DCDC1: variants seen among roughly 807,000 people sequenced by gnomAD.
DCDC1 encodes the protein doublecortin domain containing 1.
A neutral mutation model predicts 178.3 loss-of-function variants in DCDC1; 200 were observed. The observed-to-expected ratio is 1.12, with a 90% CI of 1.00 to 1.26. The LOEUF (loss-of-function observed/expected upper bound fraction) is 1.26, where lower values mean the gene tolerates loss of function less well. DCDC1 is among the 50% of genes most tolerant of loss of function. DCDC1 has a pLI of 0.00. For synonymous variants in DCDC1, 690 were observed against 604.8 expected (o/e 1.14, Z -2.07); for missense variants, 1,983 against 1,749.2 (o/e 1.13, Z -2.38).
chr11:31,037,464 G>A (rs533379646), intron 20 of DCDC1, among the ~76,000 whole-genome samples: 81 of 134,732 alleles, frequency 6.0e-4, no homozygotes, highest in African/African-American at 2.3e-3. Flanking sequence ...AAGGAGTCTC[G>A]CTCTGTCACC....
intron 20 of DCDC1, among the ~76,000 whole-genome samples, chr11:31,062,918 G>C (rs1434883177): frequency 6.7e-6 from 1 of 149,240 alleles, no homozygotes; most frequent in Non-Finnish European, 1.5e-5. Context: ...TTAGCATTAG[G>C]TATATCTCCT....
At chr11:31,170,921 C>A (rs917004709) in intron 9 of DCDC1, among the ~76,000 whole-genome samples, 1 of 151,996 alleles carries the variant, frequency 6.6e-6, no homozygotes, top group Non-Finnish European at 1.5e-5. Context: ...CCTTGCCTCC[C>A]GGGTTCAAAT....
chr11:31,098,034 A>C (rs1958262167), intron 15 of DCDC1, among the ~76,000 whole-genome samples: 2 of 152,202 alleles, frequency 1.3e-5, no homozygotes, highest in Admixed American at 6.5e-5. Flanking sequence ...CATCATACAG[A>C]AAGTTGTCAC....
chr11:31,341,426 G>GATACATAGATAGATAGATAC (rs5790857), intron 1 of DCDC1, among the ~76,000 whole-genome samples: 6 of 151,222 alleles, frequency 4.0e-5, no homozygotes, highest in Middle Eastern at 3.2e-3. Flanking sequence ...TAGATAGATA[G>GATACATAGATAGATAGATAC]ATAGATAGAT....
At chr11:30,933,086 A>C (rs892232817) in intron 21 of DCDC1, among the ~76,000 whole-genome samples, 10 of 152,040 alleles carry the variant, frequency 6.6e-5, no homozygotes, top group African/African-American at 2.4e-4. Context: ...ACTGCATGTA[A>C]GTGTAGATCT....
At chr11:30,987,830 C>T (rs990420912) in intron 20 of DCDC1, among the ~76,000 whole-genome samples, 29 of 152,092 alleles carry the variant, frequency 1.9e-4, no homozygotes, top group African/African-American at 7.0e-4. Flanking sequence ...CAGCTATCAG[C>T]TATCATTAGT....
At chr11:30,922,771 T>TG in intron 23 of DCDC1, 133 bp from the exon 24 acceptor site, 10 of 854,532 alleles carry the variant, frequency 1.2e-5, no homozygotes, top group Non-Finnish European at 1.6e-5. Context: ...AAGAAAACTG[T>TG]GTACCACTCA....
intron 21 of DCDC1, among the ~76,000 whole-genome samples, chr11:30,933,988 T>C (rs535152218): frequency 6.6e-6 from 1 of 152,290 alleles, no homozygotes; most frequent in Non-Finnish European, 1.5e-5. Flanking sequence ...AACACATACG[T>C]CTCCTTTTTC....
rs146606951 is a variant in DCDC1, at chr11:31,149,570, C to T, written c.1222-11786G>A. Among the ~76,000 whole-genome samples the T allele has an allele frequency of 7.1e-3, 1,080 of 152,196 alleles. 10 individuals are homozygous for T. The highest frequency in any genetic ancestry group is 9.9e-3 in the Non-Finnish European group (671 of 68,024). On this transcript the variant is annotated intron_variant, in intron 9 of 38. Coordinates refer to ENST00000684477, the MANE Select transcript of DCDC1 (RefSeq NM_001387274.1). Reference sequence around the variant, plus strand: ...ACGCTGTGGAAGCTTTGTTCTTTTGCTCTTCACAATTAATGTTGCTGCTGC... The same window carrying T: ...ACGCTGTGGAAGCTTTGTTCTTTTGTTCTTCACAATTAATGTTGCTGCTGC...
At chr11:31,144,163 C>T (rs1964170190) in intron 9 of DCDC1, among the ~76,000 whole-genome samples, 1 of 152,124 alleles carries the variant, frequency 6.6e-6, no homozygotes, top group African/African-American at 2.4e-5. Context: ...CAGGGTCTTT[C>T]TTGCTCTGTT....
At chr11:31,257,685 G>T (rs1944499986) in intron 8 of DCDC1, among the ~76,000 whole-genome samples, 1 of 135,150 alleles carries the variant, frequency 7.4e-6, no homozygotes, top group African/African-American at 2.9e-5. Context: ...ATATTTGACA[G>T]ATAGGAAAAC....
chr11:30,867,312 T>A (rs1003776933), intron 38 of DCDC1, among the ~76,000 whole-genome samples: 1 of 152,222 alleles, frequency 6.6e-6, no homozygotes, highest in Non-Finnish European at 1.5e-5. Flanking sequence ...GTTCTGCCAC[T>A]TATTGGCTGG....
At chr11:31,157,737 T>C (rs1202240998) in intron 9 of DCDC1, among the ~76,000 whole-genome samples, 1 of 152,064 alleles carries the variant, frequency 6.6e-6, no homozygotes. Flanking sequence ...TTTGGAAAGA[T>C]GAAAAATGTC....
At chr11:31,175,926 TA>T (rs1188430263) in intron 9 of DCDC1, among the ~76,000 whole-genome samples, 2 of 152,046 alleles carry the variant, frequency 1.3e-5, no homozygotes, top group Non-Finnish European at 2.9e-5. Context: ...AGGTACATCA[TA>T]AAATTTGAAA....
At chr11:30,878,144 C>T (rs925961654) in intron 38 of DCDC1, among the ~76,000 whole-genome samples, 5 of 151,886 alleles carry the variant, frequency 3.3e-5, no homozygotes, top group African/African-American at 7.3e-5. Context: ...ATGTAAAATG[C>T]GGAGGGTAAT....
At position 31,167,035 on chromosome 11, in the gene DCDC1, C is replaced by T. The variant is rs532298220; in HGVS notation, c.1222-29251G>A. 6.6e-5 allele frequency among the ~76,000 whole-genome samples: 10 copies of T among 152,304 alleles called. No individual in the cohort carries two copies. The South Asian group carries it at 8.3e-4, about 13-fold the overall frequency. The stretch of plus-strand genomic sequence containing the variant: ...CTGATTAAAGCCACAGCTAGGTAGG[C>T]TGTCTGTAATACTGTAGTCAAATCT... On this transcript the variant is annotated intron_variant, in intron 9 of 38. Transcript: ENST00000684477.
chr11:31,196,444 C>T (rs1237185062), intron 9 of DCDC1, among the ~76,000 whole-genome samples: 1 of 151,980 alleles, frequency 6.6e-6, no homozygotes, highest in Non-Finnish European at 1.5e-5. Context: ...GTAGTGGTTC[C>T]CCAGGTTACC....
At chr11:31,126,366 C>A (rs1354281031) in intron 11 of DCDC1, among the ~76,000 whole-genome samples, 2 of 152,172 alleles carry the variant, frequency 1.3e-5, no homozygotes, top group African/African-American at 2.4e-5. Flanking sequence ...TTGAACATCA[C>A]TTCCTAAACC....
At chr11:30,971,051 T>A (rs1223342359) in intron 20 of DCDC1, among the ~76,000 whole-genome samples, 1 of 152,032 alleles carries the variant, frequency 6.6e-6, no homozygotes, top group Non-Finnish European at 1.5e-5. Flanking sequence ...GGTATCCCCA[T>A]CCCCAGCAAA....
Sources: allele counts gnomAD v4.1 joint callset (sites outside exome capture counted in the v4.1 genomes callset), GRCh38; gene constraint gnomAD v4.1.1; transcripts MANE v1.5; gene names NCBI Gene and HGNC (gene_info 2026-07-23, HGNC 2026-07-21).